PDZRN4: variants seen among roughly 807,000 people sequenced by gnomAD.
PDZRN4 encodes the protein PDZ domain containing ring finger 4, also known as PDZ domain-containing RING finger protein 4.
A neutral mutation model predicts 99.0 loss-of-function variants in PDZRN4; 70 were observed. The observed-to-expected ratio is 0.71, with a 90% CI of 0.58 to 0.86. The LOEUF is 0.86. Ranked by LOEUF, PDZRN4 falls within the 40% of genes least tolerant of loss-of-function variation. The pLI, the probability that PDZRN4 is intolerant of heterozygous loss-of-function variation, is 0.00. For synonymous variants in PDZRN4, 551 were observed against 501.6 expected, an observed-to-expected ratio of 1.10 and a Z score of -1.32; for missense variants, 1,474 against 1,331.2, an observed-to-expected ratio of 1.11 and a Z score of -1.67.
At chr12:41,560,409 G>T (rs1939249727) in intron 7 of PDZRN4, among the ~76,000 whole-genome samples, 1 of 152,106 alleles carries the variant, frequency 6.6e-6, no homozygotes, top group South Asian at 2.1e-4. Flanking sequence ...GGCCTAAAGT[G>T]AGATTTTGAC....
chr12:41,441,401 C>T (rs1049855657), intron 3 of PDZRN4, among the ~76,000 whole-genome samples: 1 of 152,124 alleles, frequency 6.6e-6, no homozygotes, highest in African/African-American at 2.4e-5. Context: ...TTTGGCACAG[C>T]TAAGAGGTCT....
intron 3 of PDZRN4, among the ~76,000 whole-genome samples, chr12:41,329,384 T>C (rs1457168980): frequency 6.6e-6 from 1 of 152,150 alleles, no homozygotes; most frequent in Non-Finnish European, 1.5e-5. Context: ...CTATGTTTTC[T>C]CCATGTTATG....
intron 3 of PDZRN4, among the ~76,000 whole-genome samples, chr12:41,436,030 T>C (rs972912509): frequency 6.6e-6 from 1 of 152,212 alleles, no homozygotes; most frequent in Non-Finnish European, 1.5e-5. Context: ...ATTGCTTATG[T>C]TTGTGGCCAC....
chr12:41,331,800 G>T (rs1453976985), intron 3 of PDZRN4, among the ~76,000 whole-genome samples: 1 of 151,982 alleles, frequency 6.6e-6, no homozygotes, highest in African/African-American at 2.4e-5. Flanking sequence ...ACCGAGCAAA[G>T]CAAGAAAAGC....
chr12:41,307,040 C>T (rs1951575919), intron 3 of PDZRN4, among the ~76,000 whole-genome samples: 1 of 152,108 alleles, frequency 6.6e-6, no homozygotes, highest in Non-Finnish European at 1.5e-5. Context: ...CCCTTTATGG[C>T]AACCCTGACA....
intron 3 of PDZRN4, among the ~76,000 whole-genome samples, chr12:41,462,696 A>T (rs891497922): frequency 6.6e-6 from 1 of 152,198 alleles, no homozygotes; most frequent in Non-Finnish European, 1.5e-5. Flanking sequence ...AAAAATGTGA[A>T]TTTTAGATGA....
intron 3 of PDZRN4, among the ~76,000 whole-genome samples, chr12:41,399,215 AAC>A (rs1952272432): frequency 6.6e-6 from 1 of 152,170 alleles, no homozygotes; most frequent in Non-Finnish European, 1.5e-5. Flanking sequence ...TGCCAAAAAT[AAC>A]AGTGACCAAG....
intron 3 of PDZRN4, among the ~76,000 whole-genome samples, chr12:41,283,788 G>A (rs1404571073): frequency 6.6e-6 from 1 of 152,114 alleles, no homozygotes; most frequent in African/African-American, 2.4e-5. Flanking sequence ...ATGCAGAAAA[G>A]GCTTTCAATA....
intron 3 of PDZRN4, among the ~76,000 whole-genome samples, chr12:41,464,820 C>CTTTTTTTTTT (rs5797739): frequency 5.7e-5 from 6 of 104,808 alleles, no homozygotes; most frequent in Admixed American, 1.1e-4. Context: ...GCCTGTTGTA[C>CTTTTTTTTTT]TTTTTTTTTT....
intron 3 of PDZRN4, among the ~76,000 whole-genome samples, chr12:41,315,471 T>G (rs1245221518): frequency 6.6e-6 from 1 of 152,164 alleles, no homozygotes; most frequent in Non-Finnish European, 1.5e-5. Context: ...AACCCCTGTT[T>G]TTGAGTAAAA....
At chr12:41,217,394 G>T (rs962478433) in intron 3 of PDZRN4, among the ~76,000 whole-genome samples, 4 of 151,946 alleles carry the variant, frequency 2.6e-5, no homozygotes, top group Admixed American at 6.6e-5. Context: ...TTTTCCTGTT[G>T]TGCTGGGCTT....
intron 3 of PDZRN4, among the ~76,000 whole-genome samples, chr12:41,317,631 A>G (rs2120966297): frequency 6.6e-6 from 1 of 152,316 alleles, no homozygotes; most frequent in Middle Eastern, 3.4e-3. Flanking sequence ...AATTATTTTA[A>G]CTCAAATTTT....
rs776949471 is a variant in PDZRN4, at chr12:41,188,802, G to C, written c.347G>C (p.Gly116Ala). 1.0e-5 allele frequency: 14 copies of C among 1,348,384 alleles called. No individual in the cohort carries two copies. The highest frequency in any genetic ancestry group is 9.2e-5 in the South Asian group (5 of 54,638). 83.5% of individuals were successfully genotyped at this position (1,348,384 alleles called of 1,614,324 possible). The change falls in exon 1 of 10, where the codon GGG (glycine) becomes GCG (alanine). Residue 116 changes from glycine (G) to alanine (A), a missense_variant. Transcript: ENST00000402685. ...CCTGCCCGCCGGCTCCGCAGCCGCG[G>C]GGGCTGCGCTTCGGGGCTGGGCGGT... ...FGPARRLRSR[G>A]GCASGLGGGE...
At chr12:41,520,310 G>T (rs1339462957) in intron 5 of PDZRN4, among the ~76,000 whole-genome samples, 1 of 151,748 alleles carries the variant, frequency 6.6e-6, no homozygotes, top group African/African-American at 2.4e-5. Context: ...TCTTACTTTG[G>T]GTTCCGCCAA....
At chr12:41,544,388 G>A in intron 5 of PDZRN4, among the ~76,000 whole-genome samples, 1 of 152,100 alleles carries the variant, frequency 6.6e-6, no homozygotes, top group East Asian at 1.9e-4. Context: ...TATAGCAAAA[G>A]CAATTACACT....
At chr12:41,464,508 A>T (rs188747953) in intron 3 of PDZRN4, among the ~76,000 whole-genome samples, 1 of 152,294 alleles carries the variant, frequency 6.6e-6, no homozygotes, top group East Asian at 1.9e-4. Context: ...AGCACAATTA[A>T]TATGCATTCT....
intron 3 of PDZRN4, among the ~76,000 whole-genome samples, chr12:41,224,889 T>C (rs896831172): frequency 1.3e-5 from 2 of 152,146 alleles, no homozygotes; most frequent in Non-Finnish European, 2.9e-5. Context: ...CCAGTTCTCA[T>C]TGCTTTAATC....
chr12:41,498,137 C>G (rs2120650313), intron 3 of PDZRN4, among the ~76,000 whole-genome samples: 1 of 152,168 alleles, frequency 6.6e-6, no homozygotes, highest in East Asian at 1.9e-4. Flanking sequence ...CTCAATCTCT[C>G]TCTCTCTCTC....
intron 3 of PDZRN4, among the ~76,000 whole-genome samples, chr12:41,357,043 A>C (rs990798095): frequency 1.1e-4 from 17 of 152,036 alleles, no homozygotes; most frequent in African/African-American, 4.1e-4. Context: ...AAAGGTTTTT[A>C]ATTTTTTTAT....
Sources: allele counts gnomAD v4.1 joint callset (sites outside exome capture counted in the v4.1 genomes callset), GRCh38; gene constraint gnomAD v4.1.1; transcripts MANE v1.5; gene names NCBI Gene and HGNC (gene_info 2026-07-23, HGNC 2026-07-21).